CNTNAP2: variants seen among roughly 807,000 people sequenced by gnomAD.
CNTNAP2 encodes contactin associated protein 2, also known as contactin-associated protein-like 2.
CNTNAP2 carries 98 observed loss-of-function variants against 155.2 expected under a neutral mutation model. The ratio of observed to expected loss-of-function variants is 0.63; its 90% CI spans 0.54 to 0.75. The LOEUF (loss-of-function observed/expected upper bound fraction) is 0.75, where lower values mean the gene tolerates loss of function less well. CNTNAP2 is among the 30% of genes least tolerant of loss of function. CNTNAP2 has a pLI of 0.00. For synonymous variants in CNTNAP2, 651 were observed against 631.2 expected (o/e 1.03, Z -0.47); for missense variants, 1,727 against 1,688.1 (o/e 1.02, Z -0.40).
intron 8 of CNTNAP2, among the ~76,000 whole-genome samples, chr7:147,217,718 T>C (rs904131061): frequency 1.3e-5 from 2 of 151,978 alleles, no homozygotes; most frequent in Non-Finnish European, 2.9e-5. Flanking sequence ...TTGTAGAGAA[T>C]TGGTATAATT....
chr7:147,967,461 G>A (rs542054080), intron 14 of CNTNAP2, among the ~76,000 whole-genome samples: 1 of 152,232 alleles, frequency 6.6e-6, no homozygotes, highest in South Asian at 2.1e-4. Context: ...TCTGAAAAAT[G>A]AGGGTAGTAA....
intron 9 of CNTNAP2, among the ~76,000 whole-genome samples, chr7:147,366,969 G>T (rs1307626748): frequency 2.0e-5 from 3 of 152,086 alleles, no homozygotes; most frequent in Non-Finnish European, 4.4e-5. Context: ...GTCGGCCAAA[G>T]AATTATTTAT....
At chr7:147,177,912 T>C (rs1227524374) in intron 8 of CNTNAP2, among the ~76,000 whole-genome samples, 1 of 152,130 alleles carries the variant, frequency 6.6e-6, no homozygotes, top group African/African-American at 2.4e-5. Context: ...ACCATACTTA[T>C]AAAAATTGAA....
At chr7:146,241,355 T>C (rs1223722143) in intron 1 of CNTNAP2, among the ~76,000 whole-genome samples, 2 of 152,214 alleles carry the variant, frequency 1.3e-5, no homozygotes, top group Non-Finnish European at 2.9e-5. Flanking sequence ...CTGAGTCATG[T>C]TGACAAGGAT....
intron 15 of CNTNAP2, among the ~76,000 whole-genome samples, chr7:148,094,835 C>T (rs1803927870): frequency 6.6e-6 from 1 of 152,156 alleles, no homozygotes; most frequent in African/African-American, 2.4e-5. Flanking sequence ...AGAATTTTGG[C>T]ACTTGGCTCT....
chr7:146,496,447 A>C (rs951635613), intron 1 of CNTNAP2, among the ~76,000 whole-genome samples: 1 of 152,214 alleles, frequency 6.6e-6, no homozygotes, highest in Non-Finnish European at 1.5e-5. Flanking sequence ...ATGGCTATTA[A>C]AAACAATGAA....
chr7:147,030,050 A>G (rs746857557), intron 3 of CNTNAP2, among the ~76,000 whole-genome samples: 1 of 152,236 alleles, frequency 6.6e-6, no homozygotes, highest in Non-Finnish European at 1.5e-5. Flanking sequence ...ACCTGAGGGC[A>G]GTATAATCTA....
intron 1 of CNTNAP2, among the ~76,000 whole-genome samples, chr7:146,658,059 C>G (rs918612364): frequency 6.6e-6 from 1 of 151,996 alleles, no homozygotes. Context: ...TAGTGAGAAA[C>G]TAGTGAAACT....
chr7:148,269,163 A>G lies in CNTNAP2; in HGVS notation c.3475+2037A>G, dbSNP rs574555965. 4.6e-5 allele frequency among the ~76,000 whole-genome samples: 7 copies of G among 152,302 alleles called. No individual in the cohort carries two copies. In the South Asian group the frequency reaches 1.2e-3, roughly 27 times the overall value. Reference sequence around the variant, plus strand: ...GCCCAAGACCACACACCTGGTGAACAAGACAGTGGGGAGTGGCAAGTGATA... The same window carrying G: ...GCCCAAGACCACACACCTGGTGAACGAGACAGTGGGGAGTGGCAAGTGATA... On this transcript the variant is annotated intron_variant, in intron 21 of 23. Transcript: ENST00000361727.
intron 1 of CNTNAP2, among the ~76,000 whole-genome samples, chr7:146,387,872 C>T (rs910340060): frequency 4.6e-5 from 7 of 151,960 alleles, no homozygotes; most frequent in Non-Finnish European, 7.4e-5. Context: ...CCTTTCCTCT[C>T]GATAAATCTA....
At chr7:146,927,979 A>T (rs931281370) in intron 3 of CNTNAP2, among the ~76,000 whole-genome samples, 9 of 144,080 alleles carry the variant, frequency 6.2e-5, no homozygotes, top group African/African-American at 1.8e-4. Flanking sequence ...TATATATATA[A>T]ATATATATAT....
intron 1 of CNTNAP2, among the ~76,000 whole-genome samples, chr7:146,432,637 A>G (rs1452632680): frequency 1.3e-5 from 2 of 152,132 alleles, no homozygotes; most frequent in Non-Finnish European, 2.9e-5. Context: ...CCACTAATTC[A>G]CGTCTTTCCT....
intron 9 of CNTNAP2, among the ~76,000 whole-genome samples, chr7:147,303,607 AC>A (rs1419930844): frequency 2.6e-5 from 4 of 152,232 alleles, no homozygotes; most frequent in Admixed American, 1.3e-4. Context: ...GTTCTAAAAC[AC>A]GAGCTTTGGA....
intron 14 of CNTNAP2, among the ~76,000 whole-genome samples, chr7:147,910,665 G>A (rs1366872294): frequency 2.0e-5 from 3 of 152,256 alleles, no homozygotes; most frequent in Non-Finnish European, 2.9e-5. Context: ...GTAAAGCCAC[G>A]TCTTACATGG....
chr7:147,221,971 C>A (rs1336482008), intron 8 of CNTNAP2, among the ~76,000 whole-genome samples: 1 of 152,104 alleles, frequency 6.6e-6, no homozygotes, highest in East Asian at 1.9e-4. Flanking sequence ...TGTTGCTGTT[C>A]CTCTGTAGGT....
intron 8 of CNTNAP2, among the ~76,000 whole-genome samples, chr7:147,239,777 G>A (rs575495820): frequency 1.4e-4 from 21 of 152,126 alleles, no homozygotes; most frequent in South Asian, 8.3e-4. Context: ...ACAACATACC[G>A]TATTCATTTT....
At chr7:146,358,582 G>T (rs915683393) in intron 1 of CNTNAP2, among the ~76,000 whole-genome samples, 1 of 152,172 alleles carries the variant, frequency 6.6e-6, no homozygotes, top group Non-Finnish European at 1.5e-5. Context: ...GCTGGATTAT[G>T]AAGGTTGAGG....
At chr7:147,916,242 T>C (rs2116771926) in intron 14 of CNTNAP2, among the ~76,000 whole-genome samples, 1 of 152,236 alleles carries the variant, frequency 6.6e-6, no homozygotes, top group African/African-American at 2.4e-5. Context: ...CAAAGAAGCA[T>C]AAAAATGATG....
At chr7:147,205,195 T>C (rs1802998284) in intron 8 of CNTNAP2, among the ~76,000 whole-genome samples, 1 of 152,126 alleles carries the variant, frequency 6.6e-6, no homozygotes, top group Admixed American at 6.6e-5. Flanking sequence ...CAGAGTAGTG[T>C]ACATCGTATT....
Sources: gnomAD v4.1 joint callset for allele counts (sites outside exome capture counted in the v4.1 genomes callset) on GRCh38, gnomAD v4.1.1 for gene constraint, MANE v1.5 for transcripts, NCBI Gene and HGNC (gene_info 2026-07-23, HGNC 2026-07-21) for gene names.